Variants in ZNF398 observed in about 807,000 individuals in gnomAD.
ZNF398 encodes the protein zinc finger DNA binding protein ZER6.
In ZNF398, 18 loss-of-function variants were observed where a neutral mutation model predicts 41.9. The observed-to-expected ratio is 0.43, with a 90% CI of 0.30 to 0.64. The LOEUF (loss-of-function observed/expected upper bound fraction) is 0.64, where lower values mean the gene tolerates loss of function less well. Ranked by LOEUF, ZNF398 falls within the 30% of genes least tolerant of loss-of-function variation. ZNF398 has a pLI of 0.14. For missense variants in ZNF398, 669 were observed against 822.8 expected (o/e 0.81, Z 2.29); for synonymous variants, 260 against 308.8 (o/e 0.84, Z 1.66).
chr7:149,171,379 A>AT (rs1241326394), intron 4 of ZNF398, among the ~76,000 whole-genome samples: 2 of 151,142 alleles, frequency 1.3e-5, no homozygotes, highest in Non-Finnish European at 3.0e-5. Context: ...TTTTTTACTT[A>AT]TTTTTTTGAA....
chr7:149,128,873 CT>C, exon 2 of ZNF398: 1 of 151,606 alleles, frequency 6.6e-6, no homozygotes, highest in South Asian at 2.1e-4. Flanking sequence ...GTGATCTTGG[CT>C]CACTGCAACC....
chr7:149,142,909 C>T (rs1826858224), upstream of ZNF398, among the ~76,000 whole-genome samples: 1 of 152,128 alleles, frequency 6.6e-6, no homozygotes, highest in African/African-American at 2.4e-5. Flanking sequence ...AGGCTATGAG[C>T]ACAAGCACAC....
chr7:149,150,424 C>A (rs1011838377), intron 1 of ZNF398, among the ~76,000 whole-genome samples: 2 of 152,046 alleles, frequency 1.3e-5, no homozygotes, highest in Non-Finnish European at 2.9e-5. Flanking sequence ...TATGGTGAAA[C>A]CCTGTCTCTA....
rs116595812 is a variant in ZNF398 at position 149,134,382 on chromosome 7, C to T, written c.-490+5438C>T. ...CTAGGATTACAGGTGTGAGCCACCA[C>T]GCTCAGCCCGTTTTTGTCTTTTTGA... On this transcript the variant is annotated intron_variant, in intron 2 of 6. Transcript: ENST00000426851. Among the ~76,000 whole-genome samples, 378 of 151,718 alleles carry T rather than the reference C, an allele frequency of 2.5e-3. 5 individuals carry two copies. The highest frequency in any genetic ancestry group is 0.017 in the Admixed American group (257 of 15,198).
At chr7:149,133,678 T>TATATATGTGTGTATATATATATATAC (rs1483673161) in intron 2 of ZNF398, among the ~76,000 whole-genome samples, 1 of 67,024 alleles carries the variant, frequency 1.5e-5, no homozygotes, top group African/African-American at 6.1e-5. Flanking sequence ...TATATATATA[T>TATATATGTGTGTATATATATATATAC]ACATATATAT....
rs1196892198 is a variant in ZNF398, at chr7:149,182,958, A to G, written c.*3157A>G. Among the ~76,000 whole-genome samples the G allele has an allele frequency of 3.3e-5, 5 of 150,988 alleles. No individual in the cohort carries two copies. The highest frequency in any genetic ancestry group is 1.9e-4 in the East Asian group (1 of 5,138). On this transcript the variant is annotated 3_prime_UTR_variant, in exon 6 of 6. Transcript: ENST00000475153. ...TATCTGAGAAGTGATGTTCATGTCT[A>G]TCTCAACCAGGACCAGACCCTGTGA...
At position 149,134,769 on chromosome 7, in the gene ZNF398, C is replaced by T. The variant is rs149698371; in HGVS notation, c.-490+5825C>T. ...GTTTTTGGACAGAGTCTGGCTCTGT[C>T]GCCCAGGCGGGAATGCAGTGGCGCA... On this transcript the variant is annotated intron_variant, in intron 2 of 6. Transcript: ENST00000426851. Among the ~76,000 whole-genome samples the T allele has an allele frequency of 2.8e-3, 431 of 152,208 alleles. 1 individual carries two copies. Among genetic ancestry groups the T allele is most frequent in the African/African-American group, 0.01 (419 of 41,528 alleles).
At chr7:149,156,281 C>T (rs1030728820) in intron 2 of ZNF398, among the ~76,000 whole-genome samples, 14 of 150,088 alleles carry the variant, frequency 9.3e-5, no homozygotes, top group African/African-American at 2.2e-4. Context: ...TTGAGGCGGG[C>T]GGATCATGAG....
At chr7:149,150,118 A>T (rs1827075042) in intron 1 of ZNF398, among the ~76,000 whole-genome samples, 1 of 152,226 alleles carries the variant, frequency 6.6e-6, no homozygotes, top group African/African-American at 2.4e-5. Flanking sequence ...CTTAGGAAGT[A>T]AAGAAGAAAA....
intron 1 of ZNF398, among the ~76,000 whole-genome samples, chr7:149,153,124 G>A (rs1026910766): frequency 1.3e-5 from 2 of 151,960 alleles, no homozygotes; most frequent in Admixed American, 6.6e-5. Flanking sequence ...CTCCCAAAGT[G>A]CTGGGATTAC....
chr7:149,150,618 A>C (rs1827086124), intron 1 of ZNF398, among the ~76,000 whole-genome samples: 1 of 152,098 alleles, frequency 6.6e-6, no homozygotes, highest in African/African-American at 2.4e-5. Flanking sequence ...AACAAAACCC[A>C]ACAGAATCTC....
intron 4 of ZNF398, among the ~76,000 whole-genome samples, chr7:149,173,862 C>T (rs1300447353): frequency 1.4e-5 from 2 of 146,812 alleles, no homozygotes; most frequent in Non-Finnish European, 3.0e-5. Context: ...GGCGCTATCT[C>T]GGCTCACCGC....
chr7:149,148,015 C>T (rs1341429665), intron 1 of ZNF398: 3 of 387,132 alleles, frequency 7.7e-6, no homozygotes, highest in Non-Finnish European at 1.4e-5. Flanking sequence ...CTATGAGACC[C>T]GGGGCCCTGC....
intron 4 of ZNF398, among the ~76,000 whole-genome samples, chr7:149,172,658 A>G (rs953225797): frequency 1.3e-5 from 2 of 152,218 alleles, no homozygotes; most frequent in Non-Finnish European, 2.9e-5. Flanking sequence ...TGAAGAAAGT[A>G]AAAGAAATTT....
chr7:149,147,709 G>A lies in ZNF398; in HGVS notation c.-34G>A. The A allele has an allele frequency of 7.8e-7, 1 of 1,289,482 alleles. No individual in the cohort carries two copies. Among genetic ancestry groups the A allele is most frequent in the Non-Finnish European group, 9.8e-7 (1 of 1,021,176 alleles). The allele number at this position is 1,289,482 out of a possible 1,614,324, so 79.9% of individuals were successfully genotyped here. A position where few individuals can be genotyped will look rare whatever the true frequency, so the allele number is the denominator to read the frequency against. On this transcript the variant is annotated 5_prime_UTR_variant, in exon 1 of 6. Coordinates refer to ENST00000475153, the MANE Select transcript of ZNF398 (RefSeq NM_170686.3). This position sits in a 1 kb window ranked among gnomAD's most constrained non-coding sequence, Gnocchi z 5.6. ...CGGTGGCAGCGGCGGCAGCGGCGGC[G>A]ACTTCCGAGGCCCGGGCTAGACAGC...
chr7:149,171,888 C>T lies in ZNF398; in HGVS notation c.662-4580C>T, dbSNP rs115338573. Among the ~76,000 whole-genome samples, 314 of 152,210 alleles carry T rather than the reference C, an allele frequency of 2.1e-3. 2 individuals are homozygous for T. Among genetic ancestry groups the T allele is most frequent in the African/African-American group, 5.9e-3 (244 of 41,544 alleles). On this transcript the variant is annotated intron_variant, in intron 4 of 5. Coordinates refer to ENST00000475153, the MANE Select transcript of ZNF398 (RefSeq NM_170686.3). ...ATAGCCATGTTGCCCAGTGTGGTCT[C>T]AAACACCTGGACTTAAGTGATCTGC...
At position 149,179,082 on chromosome 7, in the gene ZNF398, G is replaced by T; in HGVS notation, c.1210G>T (p.Ala404Ser). The T allele has an allele frequency of 6.2e-7, 1 of 1,613,952 alleles. No homozygotes were observed. The highest frequency in any genetic ancestry group is 1.1e-5 in the South Asian group (1 of 91,044). The change falls in exon 6 of 6, where the codon GCC becomes TCC. Residue 404 changes from alanine to serine, a missense_variant. This residue lies in a region of ZNF398 where 290 missense variants were observed against 292.9 expected (regional missense o/e 0.99). Transcript: ENST00000475153. The surrounding 1 kb of genome is among the most constrained non-coding windows in gnomAD (Gnocchi z 6.1). ...GACACCCCCCACCTGCCCACACTGT[G>T]CCAGGACTTTTACTCACCCATCAAG... ...SETPPTCPHC[A>S]RTFTHPSRLT...
intron 2 of ZNF398, among the ~76,000 whole-genome samples, chr7:149,135,675 C>T (rs950679780): frequency 6.6e-5 from 10 of 151,574 alleles, no homozygotes; most frequent in South Asian, 2.1e-4. Flanking sequence ...AATAATAGTC[C>T]GGGTGCGGTA....
chr7:149,171,010 A>ATTTTTTGTTTTTTTTTTTTT (rs1249386101), intron 4 of ZNF398, among the ~76,000 whole-genome samples: 1 of 137,298 alleles, frequency 7.3e-6, no homozygotes, highest in African/African-American at 2.8e-5. Flanking sequence ...CGCCCGGCTA[A>ATTTTTTGTTTTTTTTTTTTT]TTTTTTTTTT....
Sources: allele counts gnomAD v4.1 joint callset (sites outside exome capture counted in the v4.1 genomes callset), GRCh38; gene constraint gnomAD v4.1.1; regional missense constraint gnomAD v4.1.1; non-coding constraint Gnocchi (gnomAD v3.1); transcripts MANE v1.5; gene names NCBI Gene and HGNC (gene_info 2026-07-23, HGNC 2026-07-21).